Variants in ATF7 observed in about 807,000 individuals in gnomAD.
ATF7 encodes the protein activating transcription factor 7.
In ATF7, 10 loss-of-function variants were observed where a neutral mutation model predicts 50.4. That is an observed-to-expected ratio of 0.20 (90% CI 0.12 to 0.34). The LOEUF (loss-of-function observed/expected upper bound fraction) is 0.34, where lower values mean the gene tolerates loss of function less well. ATF7 is among the 10% of genes least tolerant of loss of function. The pLI, the probability that ATF7 is intolerant of heterozygous loss-of-function variation, is 1.00. For synonymous variants in ATF7, 201 were observed against 226.4 expected (o/e 0.89, Z 1.01); for missense variants, 465 against 613.9 (o/e 0.76, Z 2.56).
chr12:53,557,042 A>T (rs188026855), intron 2 of ATF7, among the ~76,000 whole-genome samples: 216 of 152,244 alleles, frequency 1.4e-3, no homozygotes, highest in Non-Finnish European at 1.6e-3. Flanking sequence ...ACAGGTGCAC[A>T]CCATAGTGCC....
chr12:53,608,808 A>C (rs1010527709), intron 1 of ATF7, among the ~76,000 whole-genome samples: 1 of 152,214 alleles, frequency 6.6e-6, no homozygotes, highest in African/African-American at 2.4e-5. Flanking sequence ...TACAAATACG[A>C]GATCTTCGCC....
At chr12:53,572,048 C>T (rs1464192797) in intron 2 of ATF7, among the ~76,000 whole-genome samples, 1 of 150,698 alleles carries the variant, frequency 6.6e-6, no homozygotes, top group Non-Finnish European at 1.5e-5. Context: ...GCCTGGGATA[C>T]AGAGCCAGAC....
At chr12:53,521,275 C>T (rs1190747827) in intron 11 of ATF7, among the ~76,000 whole-genome samples, 4 of 152,112 alleles carry the variant, frequency 2.6e-5, no homozygotes, top group African/African-American at 4.8e-5. Flanking sequence ...TACAGGCATG[C>T]GCCCAGCCTA....
At chr12:53,615,368 A>G (rs1944078805) in intron 1 of ATF7, among the ~76,000 whole-genome samples, 1 of 152,146 alleles carries the variant, frequency 6.6e-6, no homozygotes, top group Admixed American at 6.5e-5. Flanking sequence ...TGGGTGACAG[A>G]GCGAGACTCT....
chr12:53,612,787 T>C (rs1943947943), intron 1 of ATF7, among the ~76,000 whole-genome samples: 1 of 152,212 alleles, frequency 6.6e-6, no homozygotes. Flanking sequence ...GCAGATCACC[T>C]GCAGCCAGGA....
chr12:53,582,775 C>T (rs1004547105), intron 2 of ATF7, among the ~76,000 whole-genome samples: 13 of 152,118 alleles, frequency 8.5e-5, no homozygotes, highest in African/African-American at 2.9e-4. Context: ...TTAGTAGAGA[C>T]GGGATTTCAC....
chr12:53,602,340 T>C (rs1306078360), intron 1 of ATF7, among the ~76,000 whole-genome samples: 1 of 152,182 alleles, frequency 6.6e-6, no homozygotes, highest in Non-Finnish European at 1.5e-5. Flanking sequence ...CGCGTTGAAA[T>C]AAAATGTTAA....
At chr12:53,526,648 C>T (rs1229786107) in intron 9 of ATF7, among the ~76,000 whole-genome samples, 2 of 151,756 alleles carry the variant, frequency 1.3e-5, no homozygotes, top group African/African-American at 2.4e-5. Flanking sequence ...GTCAGGAGTT[C>T]GAGACCAGCC....
chr12:53,620,250 C>T (rs918892492), intron 1 of ATF7, among the ~76,000 whole-genome samples: 1 of 151,876 alleles, frequency 6.6e-6, no homozygotes, highest in Non-Finnish European at 1.5e-5. Flanking sequence ...ACCAGCCTGG[C>T]CAACATGATG....
At chr12:53,555,281 C>T (rs1047464351) in intron 2 of ATF7, among the ~76,000 whole-genome samples, 1 of 150,124 alleles carries the variant, frequency 6.7e-6, no homozygotes, top group African/African-American at 2.5e-5. Context: ...GCCGAGATTG[C>T]GCCATTGCAC....
chr12:53,584,328 C>T (rs1320071364), intron 2 of ATF7, among the ~76,000 whole-genome samples: 1 of 152,158 alleles, frequency 6.6e-6, no homozygotes, highest in Non-Finnish European at 1.5e-5. Flanking sequence ...CCATTACACA[C>T]CTATTAGAGT....
intron 9 of ATF7, among the ~76,000 whole-genome samples, chr12:53,527,861 A>G (rs923919429): frequency 6.0e-5 from 9 of 150,822 alleles, no homozygotes; most frequent in African/African-American, 2.2e-4. Flanking sequence ...TTTTTTTTTG[A>G]GATGGAGTCT....
Position 53,620,387 on chromosome 12 carries a change from T to G in ATF7, c.-22+5892A>C, listed in dbSNP as rs373016089. Among the ~76,000 whole-genome samples the G allele has an allele frequency of 2.6e-5, 4 of 151,214 alleles. No homozygotes were observed. The South Asian group carries it at 6.3e-4, about 24-fold the overall frequency. ...GTCAGGAGATCGAGACCATCCTGGC[T>G]AAAACGGTGAAACCCCGTCTCTACT... On this transcript the variant is annotated intron_variant, in intron 1 of 11. Transcript: ENST00000420353.
In ATF7 at chr12:53,512,845, C is replaced by G. The variant is rs989802806; in HGVS notation, c.*4292G>C. 6.6e-6 allele frequency: 1 copy of G among 152,130 alleles called. No individual in the cohort carries two copies. Among genetic ancestry groups the G allele is most frequent in the Admixed American group, 6.5e-5 (1 of 15,280 alleles). 9.4% of individuals were successfully genotyped at this position (152,130 alleles called of 1,614,324 possible). A position where few individuals can be genotyped will look rare whatever the true frequency, so the allele number is the denominator to read the frequency against. On this transcript the variant is annotated 3_prime_UTR_variant, in exon 12 of 12. Transcript: ENST00000420353. ...ATCCTCCACACCTGTAAAAATTTCCCAGCTTATCCCTAAGAAATGGTTCTC... is the reference window on the plus strand; with the variant it reads ...ATCCTCCACACCTGTAAAAATTTCCGAGCTTATCCCTAAGAAATGGTTCTC...
chr12:53,532,533 G>T lies in ATF7; in HGVS notation c.751C>A (p.Pro251Thr), dbSNP rs1238956800. The T allele has an allele frequency of 6.2e-7, 1 of 1,603,730 alleles. No homozygotes were observed. The highest frequency in any genetic ancestry group is 8.5e-7 in the Non-Finnish European group (1 of 1,175,072). ...ACCATCTTGGCTTCTGATGGTATAG[G>T]GTGGCCAGAGGGAGAAATGGAGCCA... ...SSGSISPSGH[P>T]IPSEAKMRLK... The change falls in exon 8 of 12, where the codon CCT becomes ACT. Residue 251 changes from proline (P) to threonine (T), a missense_variant. Pro to Thr is a conservative substitution (Grantham distance 38). Transcript: ENST00000420353.
chr12:53,569,770 C>T (rs895572967), intron 2 of ATF7, among the ~76,000 whole-genome samples: 17 of 152,094 alleles, frequency 1.1e-4, no homozygotes, highest in Admixed American at 3.3e-4. Context: ...CCTCCGCCTC[C>T]CTCGTTCAAA....
At chr12:53,596,051 C>T (rs1316789548) in intron 2 of ATF7, among the ~76,000 whole-genome samples, 1 of 152,128 alleles carries the variant, frequency 6.6e-6, no homozygotes, top group East Asian at 1.9e-4. Context: ...GAAATCCCAG[C>T]ACTTTGGAAG....
At position 53,555,175 on chromosome 12, in the gene ATF7, C is replaced by T. The variant is rs578202940; in HGVS notation, c.49-2538G>A. Among the ~76,000 whole-genome samples, 15 of 151,724 alleles carry T rather than the reference C, an allele frequency of 9.9e-5. No individual in the cohort carries two copies. In the East Asian group the frequency reaches 2.0e-3, roughly 20 times the overall value. ...TCTCTACTAAAAATACAGAATTAGCCGGGCATGGTGGCACATGCCTATACT... is the reference window on the plus strand; with the variant it reads ...TCTCTACTAAAAATACAGAATTAGCTGGGCATGGTGGCACATGCCTATACT... On this transcript the variant is annotated intron_variant, in intron 2 of 11. Coordinates refer to ENST00000420353, the MANE Select transcript of ATF7 (RefSeq NM_006856.3).
At chr12:53,610,564 CAAAAA>C (rs528813775) in intron 1 of ATF7, among the ~76,000 whole-genome samples, 1 of 55,030 alleles carries the variant, frequency 1.8e-5, no homozygotes, top group Non-Finnish European at 4.2e-5. Context: ...GACTCTGTCT[CAAAAA>C]AAAAAAAAAA....
Sources: gnomAD v4.1 joint callset for allele counts (sites outside exome capture counted in the v4.1 genomes callset) on GRCh38, gnomAD v4.1.1 for gene constraint, MANE v1.5 for transcripts, NCBI Gene and HGNC (gene_info 2026-07-23, HGNC 2026-07-21) for gene names.